The following SLC7A14 variants were observed in gnomAD, a reference collection of about 807,000 sequenced individuals.
SLC7A14 encodes solute carrier family 7 member 14, also known as gamma-aminobutyric acid transporter SLC7A14.
In SLC7A14, 37 loss-of-function variants were observed where a neutral mutation model predicts 60.2. The observed-to-expected ratio is 0.61, with a 90% CI of 0.47 to 0.81. The LOEUF (loss-of-function observed/expected upper bound fraction) is 0.81. Ranked by LOEUF, SLC7A14 falls within the 30% of genes least tolerant of loss-of-function variation. The pLI is 0.00. For missense variants in SLC7A14, 886 were observed against 982.7 expected, an observed-to-expected ratio of 0.90 and a Z score of 1.32; for synonymous variants, 399 against 395.8, an observed-to-expected ratio of 1.01 and a Z score of -0.10.
intron 1 of SLC7A14, among the ~76,000 whole-genome samples, chr3:170,559,505 C>A (rs576932318): frequency 6.6e-6 from 1 of 152,050 alleles, no homozygotes; most frequent in Non-Finnish European, 1.5e-5. Flanking sequence ...ATAAGAGATG[C>A]GGCAGTCACA....
chr3:170,512,310 G>A (rs989411529), intron 2 of SLC7A14, among the ~76,000 whole-genome samples: 2 of 152,186 alleles, frequency 1.3e-5, no homozygotes, highest in African/African-American at 4.8e-5. Context: ...CACATTCTCA[G>A]AAGATGACTA....
At chr3:170,545,660 A>G (rs1370248995) in intron 1 of SLC7A14, among the ~76,000 whole-genome samples, 1 of 152,254 alleles carries the variant, frequency 6.6e-6, no homozygotes. Context: ...CCATATAAAC[A>G]AAAGTGCCTT....
chr3:170,525,845 C>T (rs1280125966), intron 2 of SLC7A14, among the ~76,000 whole-genome samples: 2 of 152,112 alleles, frequency 1.3e-5, no homozygotes, highest in African/African-American at 2.4e-5. Flanking sequence ...ACCTCAGCCT[C>T]CCAAAGTGCG....
chr3:170,496,718 G>A (rs1712409845), intron 4 of SLC7A14: 1 of 812,552 alleles, frequency 1.2e-6, no homozygotes, highest in Non-Finnish European at 2.2e-6. Flanking sequence ...GCCTATGGGG[G>A]CCTCACAAGC....
chr3:170,571,851 G>A (rs376723784), intron 1 of SLC7A14, among the ~76,000 whole-genome samples: 26 of 152,174 alleles, frequency 1.7e-4, no homozygotes, highest in African/African-American at 6.3e-4. Flanking sequence ...ACAAGGTCAT[G>A]GGCTTGAGAC....
intron 4 of SLC7A14, among the ~76,000 whole-genome samples, chr3:170,497,791 T>C (rs1408298646): frequency 6.6e-6 from 1 of 152,212 alleles, no homozygotes; most frequent in Non-Finnish European, 1.5e-5. Flanking sequence ...CACTTGTCAG[T>C]ATAAAGAATT....
At chr3:170,519,871 A>C (rs1443544453) in intron 2 of SLC7A14, among the ~76,000 whole-genome samples, 2 of 152,234 alleles carry the variant, frequency 1.3e-5, no homozygotes, top group African/African-American at 2.4e-5. Flanking sequence ...GAACTCAGAC[A>C]TACTGACTGG....
intron 1 of SLC7A14, among the ~76,000 whole-genome samples, chr3:170,568,828 T>C (rs1396751544): frequency 3.9e-5 from 6 of 152,200 alleles, no homozygotes; most frequent in African/African-American, 9.6e-5. Context: ...TATTGGTGTA[T>C]AAGAATGCTT....
intron 2 of SLC7A14, among the ~76,000 whole-genome samples, chr3:170,504,637 C>G (rs559792963): frequency 3.3e-5 from 5 of 152,096 alleles, no homozygotes; most frequent in Non-Finnish European, 5.9e-5. Flanking sequence ...GGTTTTTATC[C>G]TAGATTATCT....
rs1739681998 is a variant in SLC7A14, at chr3:170,464,841, C to G, written c.*2214G>C. 1 of 152,196 alleles carries G rather than the reference C, an allele frequency of 6.6e-6. No homozygotes were observed. Among genetic ancestry groups the G allele is most frequent in the South Asian group, 2.1e-4 (1 of 4,832 alleles). The allele number at this position is 152,196 out of a possible 1,614,324, so 9.4% of individuals were successfully genotyped here. On this transcript the variant is annotated 3_prime_UTR_variant, in exon 8 of 8. Transcript: ENST00000231706. Reference sequence around the variant, plus strand: ...TCTTTCACCCACGTTAAGATTTTGCCATTTTGCACTCCTATTTCTCTATTC... The same window carrying G: ...TCTTTCACCCACGTTAAGATTTTGCGATTTTGCACTCCTATTTCTCTATTC...
chr3:170,538,133 GA>G (rs1713906341), intron 1 of SLC7A14, among the ~76,000 whole-genome samples: 1 of 152,146 alleles, frequency 6.6e-6, no homozygotes, highest in Non-Finnish European at 1.5e-5. Context: ...GGTTGTGCAG[GA>G]AAATCTTTAA....
intron 1 of SLC7A14, among the ~76,000 whole-genome samples, chr3:170,557,401 T>C (rs1714516545): frequency 6.6e-6 from 1 of 152,184 alleles, no homozygotes; most frequent in Non-Finnish European, 1.5e-5. Context: ...AGAGGTTCAA[T>C]TCCATTCGTC....
intron 2 of SLC7A14, among the ~76,000 whole-genome samples, chr3:170,502,349 G>A (rs58090567): frequency 0.022 from 3,327 of 152,292 alleles, 131 homozygotes; most frequent in African/African-American, 0.075. Context: ...GGTAATACAT[G>A]TGCTCACTTG....
intron 2 of SLC7A14, among the ~76,000 whole-genome samples, chr3:170,523,354 TTCTG>T (rs1420042294): frequency 6.6e-6 from 1 of 152,222 alleles, no homozygotes; most frequent in African/African-American, 2.4e-5. Flanking sequence ...CTTCCTAGCT[TTCTG>T]TCTAACTTTC....
intron 5 of SLC7A14, among the ~76,000 whole-genome samples, chr3:170,484,761 A>G (rs1711964422): frequency 6.6e-6 from 1 of 152,168 alleles, no homozygotes; most frequent in Admixed American, 6.5e-5. Flanking sequence ...AACAGCTCCT[A>G]GGGCGTGTTT....
At chr3:170,569,982 T>C (rs569998551) in intron 1 of SLC7A14, 11 of 152,344 alleles carry the variant, frequency 7.2e-5, no homozygotes, top group Non-Finnish European at 1.6e-4. Context: ...CATTAATTTT[T>C]TGAAGGGTTT....
chr3:170,514,219 C>T (rs957364093), intron 2 of SLC7A14, among the ~76,000 whole-genome samples: 1 of 152,194 alleles, frequency 6.6e-6, no homozygotes, highest in Non-Finnish European at 1.5e-5. Flanking sequence ...CTGGCACATG[C>T]AAAGCTCCTG....
intron 1 of SLC7A14, among the ~76,000 whole-genome samples, chr3:170,566,555 T>C (rs1304056639): frequency 6.6e-6 from 1 of 152,218 alleles, no homozygotes; most frequent in East Asian, 1.9e-4. Flanking sequence ...CCTCTGTCTC[T>C]TGTTTCTCTC....
At chr3:170,497,932 C>T (rs1712462467) in intron 4 of SLC7A14, among the ~76,000 whole-genome samples, 2 of 152,270 alleles carry the variant, frequency 1.3e-5, no homozygotes, top group South Asian at 4.1e-4. Context: ...GTAAACCTGC[C>T]TGTTATGAAC....
Sources: gnomAD v4.1 joint callset for allele counts (sites outside exome capture counted in the v4.1 genomes callset) on GRCh38, gnomAD v4.1.1 for gene constraint, MANE v1.5 for transcripts, NCBI Gene and HGNC (gene_info 2026-07-23, HGNC 2026-07-21) for gene names.